HPS3: variants seen among roughly 807,000 people sequenced by gnomAD.
The protein encoded by HPS3 is HPS3 biogenesis of lysosomal organelles complex 2 subunit 1.
A neutral mutation model predicts 110.9 loss-of-function variants in HPS3; 79 were observed. That is an observed-to-expected ratio of 0.71 (90% CI 0.59 to 0.86). HPS3 has a LOEUF of 0.86. Among genes scored for constraint, HPS3 ranks in the 40% least tolerant of loss-of-function variants. The probability of loss-of-function intolerance (pLI) is 0.00; values close to 1 mark genes in which losing one functional copy is unlikely to be tolerated. For missense variants in HPS3, 1,197 were observed against 1,206.2 expected (o/e 0.99, Z 0.11); for synonymous variants, 428 against 451.0 (o/e 0.95, Z 0.65).
intron 5 of HPS3, among the ~76,000 whole-genome samples, chr3:149,149,322 T>C (rs1722967903): frequency 3.9e-5 from 6 of 152,102 alleles, no homozygotes; most frequent in African/African-American, 1.4e-4. Context: ...GTCATAGCTA[T>C]TCTCATCTGT....
At chr3:149,143,645 T>G (rs529919385) in intron 4 of HPS3, among the ~76,000 whole-genome samples, 6 of 152,230 alleles carry the variant, frequency 3.9e-5, no homozygotes, top group African/African-American at 1.4e-4. Context: ...TGATAGAGAT[T>G]TTGGAAAGAT....
intron 13 of HPS3, among the ~76,000 whole-genome samples, chr3:149,163,276 C>T (rs1285031990): frequency 1.3e-5 from 2 of 152,200 alleles, no homozygotes; most frequent in African/African-American, 4.8e-5. Flanking sequence ...GGGAGGGAGA[C>T]TGCCTTAGTG....
chr3:149,164,212 A>G (rs1298486503), intron 14 of HPS3, among the ~76,000 whole-genome samples: 1 of 152,120 alleles, frequency 6.6e-6, no homozygotes, highest in African/African-American at 2.4e-5. Context: ...TGATTTCCTC[A>G]TTTTCAGGAT....
intron 5 of HPS3, among the ~76,000 whole-genome samples, chr3:149,146,348 G>A (rs1722778470): frequency 6.6e-6 from 1 of 152,196 alleles, no homozygotes; most frequent in Non-Finnish European, 1.5e-5. Flanking sequence ...CCTCATGAAA[G>A]TGCCATTGAC....
Position 149,155,165 on chromosome 3 carries a change from A to T in HPS3, c.1459A>T (p.Asn487Tyr). Reference protein sequence around the residue: ...KIPPVAEAGWNLYIVNTISPV... With the variant: ...KIPPVAEAGWYLYIVNTISPV... ...ACCTCCTGTAGCTGAGGCTGGGTGG[A>T]ATTTGTATATTGTGAATACGATCTC... Residue 487 changes from asparagine (N) to tyrosine (Y), a missense_variant, in exon 8 of 17, where the codon AAT (asparagine) becomes TAT (tyrosine). Physicochemically the swap from Asn to Tyr is moderately radical, Grantham distance 143 (BLOSUM62 -2). Coordinates refer to ENST00000296051, the MANE Select transcript of HPS3 (RefSeq NM_032383.5). The T allele has an allele frequency of 6.2e-7, 1 of 1,610,000 alleles. No individual in the cohort carries two copies. The highest frequency in any genetic ancestry group is 8.5e-7 in the Non-Finnish European group (1 of 1,176,296).
At chr3:149,143,988 A>C (rs754504520) in intron 4 of HPS3, among the ~76,000 whole-genome samples, 4 of 152,204 alleles carry the variant, frequency 2.6e-5, no homozygotes, top group Non-Finnish European at 4.4e-5. Flanking sequence ...ATTTTGATGC[A>C]CATCCCGGAG....
intron 14 of HPS3, among the ~76,000 whole-genome samples, chr3:149,165,620 G>A (rs1724340018): frequency 6.6e-6 from 1 of 152,084 alleles, no homozygotes; most frequent in African/African-American, 2.4e-5. Context: ...GGGATTACAG[G>A]TGTGAGTCAC....
At chr3:149,143,671 C>T (rs1006012464) in intron 4 of HPS3, among the ~76,000 whole-genome samples, 1 of 152,054 alleles carries the variant, frequency 6.6e-6, no homozygotes, top group South Asian at 2.1e-4. Context: ...ATAATGGGAA[C>T]CAACATTATA....
rs72453449 is a variant in HPS3 at position 149,172,318 on chromosome 3, T to TCTCTCACA, written c.*97_*98insTCTCACAC. The TCTCTCACA allele has an allele frequency of 1.8e-3, 1,056 of 571,870 alleles. 2 individuals are homozygous for TCTCTCACA. The highest frequency in any genetic ancestry group is 2.8e-3 in the Non-Finnish European group (883 of 316,212). 35.4% of individuals were successfully genotyped at this position (571,870 alleles called of 1,614,324 possible). A position where few individuals can be genotyped will look rare whatever the true frequency, so the allele number is the denominator to read the frequency against. On this transcript the variant is annotated 3_prime_UTR_variant, in exon 17 of 17. Transcript: ENST00000296051. Reference sequence around the variant, plus strand: ...GTAGAGGAGTTTTTTATTTTATATATCACACACACACACACACACACACAC... The same window carrying TCTCTCACA: ...GTAGAGGAGTTTTTTATTTTATATATCTCTCACACACACACACACACACACACACACAC...
intron 16 of HPS3, 84 bp from the exon 17 acceptor site, chr3:149,172,011 G>A (rs1388321062): frequency 3.0e-5 from 42 of 1,412,770 alleles, no homozygotes; most frequent in Non-Finnish European, 3.5e-5. Context: ...GGCCTGAACT[G>A]GCTTCTAATT....
chr3:149,171,853 C>T (rs551200875), intron 16 of HPS3, among the ~76,000 whole-genome samples: 78 of 151,960 alleles, frequency 5.1e-4, no homozygotes, highest in Admixed American at 1.8e-3. Flanking sequence ...TACAGGTGTG[C>T]GCCACCATGC....
intron 2 of HPS3, among the ~76,000 whole-genome samples, chr3:149,140,743 C>T (rs886525128): frequency 1.3e-5 from 2 of 152,070 alleles, no homozygotes; most frequent in Non-Finnish European, 2.9e-5. Context: ...AGTCCTAGTC[C>T]TCATAGTTAC....
At chr3:149,132,764 T>C (rs915257849) in intron 1 of HPS3, among the ~76,000 whole-genome samples, 3 of 152,230 alleles carry the variant, frequency 2.0e-5, no homozygotes, top group African/African-American at 7.2e-5. Flanking sequence ...GAAAATCATC[T>C]GGAAAGAATT....
rs1195053383 is a variant in HPS3 at position 149,145,555 on chromosome 3, A to T, written c.1163+9A>T. ...TTGCACGTCATTACAAGGTACTGTT[A>T]GAGGGTCACTTGCTGGCCTGTGAGT... On this transcript the variant is annotated intron_variant, in intron 5 of 16. Transcript: ENST00000296051. 2 of 1,610,966 alleles carry T rather than the reference A, an allele frequency of 1.2e-6. No individual in the cohort carries two copies. Among genetic ancestry groups the T allele is most frequent in the African/African-American group, 2.7e-5 (2 of 74,974 alleles).
intron 1 of HPS3, among the ~76,000 whole-genome samples, chr3:149,131,286 T>G (rs1721758961): frequency 6.6e-6 from 1 of 152,200 alleles, no homozygotes; most frequent in Admixed American, 6.5e-5. Context: ...TTTTTTGCAT[T>G]TCACTTTGTT....
At chr3:149,137,988 C>A (rs943192894) in intron 1 of HPS3, among the ~76,000 whole-genome samples, 10 of 151,552 alleles carry the variant, frequency 6.6e-5, no homozygotes, top group Admixed American at 5.2e-4. Context: ...TATCGTACTA[C>A]AATAAAAAAA....
At chr3:149,171,828 C>T (rs1725019439) in intron 16 of HPS3, among the ~76,000 whole-genome samples, 1 of 151,842 alleles carries the variant, frequency 6.6e-6, no homozygotes, top group Admixed American at 6.6e-5. Flanking sequence ...CCTCAGCCTC[C>T]TGAGTAGCTA....
Position 149,172,145 on chromosome 3 carries a change from G to A in HPS3, c.2938G>A (p.Val980Ile). 4.3e-6 allele frequency: 7 copies of A among 1,613,048 alleles called. No individual in the cohort carries two copies. The highest frequency in any genetic ancestry group is 2.2e-5 in the East Asian group (1 of 44,854). The change falls in exon 17 of 17, where the codon GTT becomes ATT. Residue 980 changes from valine to isoleucine, a missense_variant. Transcript: ENST00000296051. Reference protein sequence around the residue: ...VELELKDFMNVLPEDGTATFF... With the variant: ...VELELKDFMNILPEDGTATFF... Reference sequence around the variant, plus strand: ...ACTAGAACTGAAGGATTTCATGAATGTTCTCCCAGAAGATGGTACTGCAAC... The same window carrying A: ...ACTAGAACTGAAGGATTTCATGAATATTCTCCCAGAAGATGGTACTGCAAC...
intron 1 of HPS3, among the ~76,000 whole-genome samples, chr3:149,137,810 A>C (rs79145953): frequency 0.043 from 6,599 of 152,194 alleles, 183 homozygotes; most frequent in African/African-American, 0.083. Flanking sequence ...CACCCTGGGG[A>C]GAGGGAGGAA....
Sources: gnomAD v4.1 joint callset for allele counts (sites outside exome capture counted in the v4.1 genomes callset) on GRCh38, gnomAD v4.1.1 for gene constraint, MANE v1.5 for transcripts, NCBI Gene and HGNC (gene_info 2026-07-23, HGNC 2026-07-21) for gene names.